The following NKAIN2 variants were observed in gnomAD, a reference collection of about 807,000 sequenced individuals.
The protein encoded by NKAIN2 is sodium/potassium-transporting ATPase subunit beta-1-interacting protein 2.
NKAIN2 carries 14 observed loss-of-function variants against 32.6 expected under a neutral mutation model. The ratio of observed to expected loss-of-function variants is 0.43; its 90% confidence interval spans 0.28 to 0.67. The LOEUF (loss-of-function observed/expected upper bound fraction) is 0.67, where lower values mean the gene tolerates loss of function less well. Among genes scored for constraint, NKAIN2 ranks in the 30% least tolerant of loss-of-function variants. NKAIN2 has a pLI of 0.17. For missense variants in NKAIN2, 198 were observed against 258.3 expected, an observed-to-expected ratio of 0.77 and a Z score of 1.60; for synonymous variants, 80 against 87.2, an observed-to-expected ratio of 0.92 and a Z score of 0.46.
At chr6:123,950,059 G>A (rs1458220774) in intron 1 of NKAIN2, among the ~76,000 whole-genome samples, 1 of 151,868 alleles carries the variant, frequency 6.6e-6, no homozygotes, top group Admixed American at 6.6e-5. Flanking sequence ...TTGTGGTTTT[G>A]TTCCTCATCC....
At chr6:124,551,568 G>T (rs907865081) in intron 3 of NKAIN2, among the ~76,000 whole-genome samples, 1 of 151,612 alleles carries the variant, frequency 6.6e-6, no homozygotes, top group Non-Finnish European at 1.5e-5. Flanking sequence ...AAGCAGTTAA[G>T]CAAGCAAAAA....
At chr6:124,127,408 T>C (rs931391530) in intron 1 of NKAIN2, among the ~76,000 whole-genome samples, 2 of 152,192 alleles carry the variant, frequency 1.3e-5, no homozygotes, top group Non-Finnish European at 2.9e-5. Flanking sequence ...GGCCTTGACT[T>C]TGAGGCCTAA....
rs187431701 is a variant in NKAIN2 at position 124,032,268 on chromosome 6, G to T, written c.54+228014G>T. 8.5e-3 allele frequency among the ~76,000 whole-genome samples: 1,002 copies of T among 118,114 alleles called. 8 individuals carry two copies. Among genetic ancestry groups the T allele is most frequent in the Non-Finnish European group, 0.013 (744 of 59,008 alleles). The allele number at this position is 118,114 out of a possible 152,430, so 77.5% of individuals were successfully genotyped here. ...ACACACTGGGGTCTGTCGTGGGGTGGGGGGAGGGGGGAGGGATAGCATTAG... is the reference window on the plus strand; with the variant it reads ...ACACACTGGGGTCTGTCGTGGGGTGTGGGGAGGGGGGAGGGATAGCATTAG... On this transcript the variant is annotated intron_variant, in intron 1 of 6. Transcript: ENST00000368417.
At chr6:124,284,921 T>A (rs1425951993) in intron 2 of NKAIN2, among the ~76,000 whole-genome samples, 2 of 152,012 alleles carry the variant, frequency 1.3e-5, no homozygotes, top group Admixed American at 1.3e-4. Flanking sequence ...AAAAAAAAAT[T>A]TGGGCTTTCT....
At chr6:124,213,167 A>G (rs1010829583) in intron 1 of NKAIN2, among the ~76,000 whole-genome samples, 1 of 152,108 alleles carries the variant, frequency 6.6e-6, no homozygotes, top group African/African-American at 2.4e-5. Flanking sequence ...TGAGTTTCTT[A>G]TGACACAGAA....
At chr6:123,862,071 T>C (rs1350815318) in intron 1 of NKAIN2, among the ~76,000 whole-genome samples, 1 of 152,110 alleles carries the variant, frequency 6.6e-6, no homozygotes, top group Admixed American at 6.6e-5. Context: ...AATCAAGAAG[T>C]TTTCAATCTA....
intron 3 of NKAIN2, among the ~76,000 whole-genome samples, chr6:124,357,083 C>A (rs556364364): frequency 2.0e-5 from 3 of 152,228 alleles, no homozygotes; most frequent in South Asian, 4.1e-4. Flanking sequence ...ACAGCAAGGG[C>A]ACTAAGAATT....
intron 1 of NKAIN2, among the ~76,000 whole-genome samples, chr6:123,918,470 A>G (rs996405211): frequency 1.3e-5 from 2 of 152,210 alleles, no homozygotes; most frequent in African/African-American, 4.8e-5. Context: ...GTAAGAGAAA[A>G]TATCAACCGC....
intron 2 of NKAIN2, among the ~76,000 whole-genome samples, chr6:124,321,333 A>G (rs1415558918): frequency 6.6e-6 from 1 of 152,092 alleles, no homozygotes; most frequent in Non-Finnish European, 1.5e-5. Context: ...GGTGGGGACT[A>G]GGGGAAGAAT....
intron 2 of NKAIN2, among the ~76,000 whole-genome samples, chr6:124,327,536 G>A (rs1465266187): frequency 6.6e-6 from 1 of 152,060 alleles, no homozygotes; most frequent in Admixed American, 6.6e-5. Context: ...GAAGAGAAGA[G>A]GTGATAGCAA....
At chr6:124,661,875 A>G (rs1039450401) in intron 4 of NKAIN2, among the ~76,000 whole-genome samples, 1 of 134,120 alleles carries the variant, frequency 7.5e-6, no homozygotes, top group African/African-American at 2.9e-5. Context: ...TGTTCACGTT[A>G]CAGAAAAATT....
chr6:124,229,554 A>AGACG (rs1792335604), intron 1 of NKAIN2, among the ~76,000 whole-genome samples: 1 of 152,126 alleles, frequency 6.6e-6, no homozygotes, highest in African/African-American at 2.4e-5. Flanking sequence ...ACAGACAGAC[A>AGACG]GACAGACAGG....
At chr6:123,936,502 G>A (rs1345417721) in intron 1 of NKAIN2, among the ~76,000 whole-genome samples, 2 of 152,108 alleles carry the variant, frequency 1.3e-5, no homozygotes, top group Non-Finnish European at 2.9e-5. Flanking sequence ...CAGGAAGAAA[G>A]CAGCCCTAAA....
At chr6:124,823,085 T>C in intron 6 of NKAIN2, 135 bp from the exon 7 acceptor site, 2 of 743,898 alleles carry the variant, frequency 2.7e-6, no homozygotes, top group Non-Finnish European at 2.4e-6. Context: ...AAATTATCTA[T>C]TTAAAACCCA....
chr6:124,705,060 A>C (rs1774988750), intron 4 of NKAIN2, among the ~76,000 whole-genome samples: 1 of 152,110 alleles, frequency 6.6e-6, no homozygotes, highest in South Asian at 2.1e-4. Context: ...CCAATGGCCA[A>C]AAGCTCTTAA....
intron 1 of NKAIN2, among the ~76,000 whole-genome samples, chr6:123,987,893 A>G (rs1261492449): frequency 6.6e-6 from 1 of 152,142 alleles, no homozygotes; most frequent in African/African-American, 2.4e-5. Context: ...CATCATATTC[A>G]TAGGTGTCTT....
At chr6:124,510,856 A>C (rs1349142413) in intron 3 of NKAIN2, among the ~76,000 whole-genome samples, 1 of 152,196 alleles carries the variant, frequency 6.6e-6, no homozygotes, top group African/African-American at 2.4e-5. Context: ...TTCCCACAAA[A>C]TATCAAGGGA....
At chr6:124,707,585 T>C (rs1026081119) in intron 4 of NKAIN2, among the ~76,000 whole-genome samples, 2 of 135,346 alleles carry the variant, frequency 1.5e-5, no homozygotes, top group Non-Finnish European at 1.6e-5. Context: ...ATTTCTCTGA[T>C]GGCCAGTGAT....
intron 3 of NKAIN2, among the ~76,000 whole-genome samples, chr6:124,358,112 T>C (rs1320970295): frequency 3.9e-5 from 6 of 152,228 alleles, no homozygotes; most frequent in Admixed American, 1.3e-4. Context: ...AACTCATCAT[T>C]TTTTATGGCT....
Sources: gnomAD v4.1 joint callset for allele counts (sites outside exome capture counted in the v4.1 genomes callset) on GRCh38, gnomAD v4.1.1 for gene constraint, MANE v1.5 for transcripts, NCBI Gene and HGNC (gene_info 2026-07-23, HGNC 2026-07-21) for gene names.